The following FRMD3 variants were observed in gnomAD, a reference collection of about 807,000 sequenced individuals.
FRMD3 encodes the protein FERM domain-containing protein 3.
FRMD3 carries 33 observed loss-of-function variants against 70.2 expected under a neutral mutation model. The ratio of observed to expected loss-of-function variants is 0.47; its 90% CI spans 0.36 to 0.63. The LOEUF is 0.63. Among genes scored for constraint, FRMD3 ranks in the 20% least tolerant of loss-of-function variants. The pLI, the probability that FRMD3 is intolerant of heterozygous loss-of-function variation, is 0.00. For missense variants in FRMD3, 632 were observed against 711.4 expected, an observed-to-expected ratio of 0.89 and a Z score of 1.27; for synonymous variants, 279 against 255.9, an observed-to-expected ratio of 1.09 and a Z score of -0.86.
intron 1 of FRMD3, among the ~76,000 whole-genome samples, chr9:83,470,259 C>A (rs1223525777): frequency 6.6e-6 from 1 of 152,160 alleles, no homozygotes; most frequent in African/African-American, 2.4e-5. Flanking sequence ...GACCTCACCC[C>A]ACTGCACTTA....
intron 13 of FRMD3, chr9:83,267,195 C>A (rs1480963458): frequency 6.5e-7 from 1 of 1,549,768 alleles, no homozygotes; most frequent in Non-Finnish European, 8.7e-7. Flanking sequence ...GGCAGCCTTT[C>A]CCTAACAGTC....
chr9:83,410,210 G>A (rs377261578), intron 1 of FRMD3, among the ~76,000 whole-genome samples: 1 of 152,058 alleles, frequency 6.6e-6, no homozygotes, highest in Admixed American at 6.6e-5. Context: ...CGGGAATACC[G>A]CATGATGCTG....
chr9:83,325,290 C>G (rs1403684044), intron 6 of FRMD3, among the ~76,000 whole-genome samples: 1 of 152,152 alleles, frequency 6.6e-6, no homozygotes, highest in African/African-American at 2.4e-5. Flanking sequence ...CAAAATGACA[C>G]TTATACTTGA....
intron 1 of FRMD3, among the ~76,000 whole-genome samples, chr9:83,507,732 A>ATG (rs1158473884): frequency 2.2e-5 from 2 of 92,958 alleles, no homozygotes; most frequent in South Asian, 8.1e-4. Flanking sequence ...ATATATATAT[A>ATG]TATATATCTT....
chr9:83,536,930 T>TAAAAAAAAA lies in FRMD3; in HGVS notation c.147+1146_147+1154dup, dbSNP rs142272516. On this transcript the variant is annotated intron_variant, in intron 1 of 13. Coordinates refer to ENST00000304195, the MANE Select transcript of FRMD3 (RefSeq NM_174938.6). ...ATGGGTGGTGTGCCCTGTATTACAC[T>TAAAAAAAAA]AAAAAAAAAAAAAAAAAAAAAAAGC... Among the ~76,000 whole-genome samples the TAAAAAAAAA allele has an allele frequency of 1.8e-4, 11 of 60,892 alleles. 1 individual carries two copies. The highest frequency in any genetic ancestry group is 4.9e-4 in the African/African-American group (8 of 16,412). The allele number at this position is 60,892 out of a possible 152,430, so 39.9% of individuals were successfully genotyped here. A position where few individuals can be genotyped will look rare whatever the true frequency, so the allele number is the denominator to read the frequency against.
At chr9:83,343,368 A>G in intron 4 of FRMD3, 81 bp from the exon 5 acceptor site, 2 of 937,804 alleles carry the variant, frequency 2.1e-6, no homozygotes, top group South Asian at 1.4e-5. Flanking sequence ...CTTAGCTCCC[A>G]TGGTGACCAG....
Position 83,523,189 on chromosome 9 carries a change from TGGATGGAC to T in FRMD3, c.147+14888_147+14895del, listed in dbSNP as rs1211876769. Among the ~76,000 whole-genome samples, 555 of 145,306 alleles carry T rather than the reference TGGATGGAC, an allele frequency of 3.8e-3. 9 individuals are homozygous for T. Among genetic ancestry groups the T allele is most frequent in the African/African-American group, 0.014 (528 of 37,816 alleles). On this transcript the variant is annotated intron_variant, in intron 1 of 13. Coordinates refer to ENST00000304195, the MANE Select transcript of FRMD3 (RefSeq NM_174938.6). ...ATGGATGGATGGATGGATGGATGGA[TGGATGGAC>T]GGACGGACGGATGGATAGATTTACG...
intron 1 of FRMD3, among the ~76,000 whole-genome samples, chr9:83,418,142 A>G (rs1435456655): frequency 6.6e-6 from 1 of 152,140 alleles, no homozygotes; most frequent in Non-Finnish European, 1.5e-5. Flanking sequence ...CAAATTAGAA[A>G]GAAGGGGACA....
At position 83,245,151 on chromosome 9, in the gene FRMD3, G is replaced by C. The variant is rs1375552551; in HGVS notation, c.*2767C>G. ...AAAATAAGCACAATTATGCATGAGG[G>C]GCATATATGTTGTGTCTATTCAAAG... On this transcript the variant is annotated 3_prime_UTR_variant, in exon 14 of 14. Coordinates refer to ENST00000304195, the MANE Select transcript of FRMD3 (RefSeq NM_174938.6). 1 of 984,740 alleles carries C rather than the reference G, an allele frequency of 1.0e-6. No homozygotes were observed. Among genetic ancestry groups the C allele is most frequent in the African/African-American group, 1.8e-5 (1 of 57,094 alleles). 61.0% of individuals were successfully genotyped at this position (984,740 alleles called of 1,614,324 possible). A position where few individuals can be genotyped will look rare whatever the true frequency, so the allele number is the denominator to read the frequency against.
chr9:83,316,166 T>TTTTTTTTTTTTTTTTTTC (rs1835566750), intron 6 of FRMD3, among the ~76,000 whole-genome samples: 1 of 146,896 alleles, frequency 6.8e-6, no homozygotes, highest in African/African-American at 2.5e-5. Flanking sequence ...TTTTTCTTTT[T>TTTTTTTTTTTTTTTTTTC]TTTTTTTTTT....
At chr9:83,583,056 C>T in the FRMD3 span, among the ~76,000 whole-genome samples, 1 of 152,208 alleles carries the variant, frequency 6.6e-6, no homozygotes, top group Non-Finnish European at 1.5e-5. Context: ...TCTTCACCAA[C>T]CATGACTTAC....
At chr9:83,491,018 C>G (rs560073876) in intron 1 of FRMD3, among the ~76,000 whole-genome samples, 2 of 152,256 alleles carry the variant, frequency 1.3e-5, no homozygotes, top group African/African-American at 4.8e-5. Context: ...ATATTTCACT[C>G]TAGGATAATC....
chr9:83,416,745 G>GTCTCTCTCTC (rs1184226415), intron 1 of FRMD3, among the ~76,000 whole-genome samples: 2,192 of 102,198 alleles, frequency 0.021, 217 homozygotes, highest in East Asian at 0.038. Context: ...ATTTCTCTCT[G>GTCTCTCTCTC]TCTCTCTCTC....
intron 13 of FRMD3, among the ~76,000 whole-genome samples, chr9:83,258,531 A>G (rs997997639): frequency 6.6e-6 from 1 of 152,276 alleles, no homozygotes; most frequent in Non-Finnish European, 1.5e-5. Flanking sequence ...ATGCCTTAAA[A>G]TGAGGATACT....
intron 3 of FRMD3, among the ~76,000 whole-genome samples, chr9:83,351,161 C>A (rs182073475): frequency 1.3e-5 from 2 of 151,992 alleles, no homozygotes; most frequent in African/African-American, 2.4e-5. Context: ...CAGATGTAGA[C>A]GAATCCTTTA....
In FRMD3 at chr9:83,537,459, G is replaced by A. The variant is rs556757423; in HGVS notation, c.147+626C>T. On this transcript the variant is annotated intron_variant, in intron 1 of 13. Coordinates refer to ENST00000304195, the MANE Select transcript of FRMD3 (RefSeq NM_174938.6). The surrounding 1 kb of genome is among the most constrained non-coding windows in gnomAD (Gnocchi z 4.1). ...CCTTTCGAGGTAGCTCCAGTCCGGC[G>A]CAGCGCGCGCTCCATCCCTCAAGGC... Among the ~76,000 whole-genome samples, 70 of 152,328 alleles carry A rather than the reference G, an allele frequency of 4.6e-4. No homozygotes were observed. Among genetic ancestry groups the A allele is most frequent in the African/African-American group, 1.6e-3 (66 of 41,586 alleles).
At position 83,248,265 on chromosome 9, in the gene FRMD3, A is replaced by G; in HGVS notation, c.1447T>C (p.Phe483Leu). Residue 483 changes from phenylalanine (F) to leucine (L), a missense_variant, in exon 14 of 14, where the codon TTT becomes CTT. This residue lies in a region of FRMD3 where 418 missense variants were observed against 442.1 expected (regional missense o/e 0.95). Coordinates refer to ENST00000304195, the MANE Select transcript of FRMD3 (RefSeq NM_174938.6). ...TTTTCATCTGCTTCCAGATCCTCAA[A>G]TGAATCTGTGTCTTCTCTTTCCAAC... ...LELEREDTDS[F>L]EDLEADENAF... 1 of 1,614,188 alleles carries G rather than the reference A, an allele frequency of 6.2e-7. No homozygotes were observed. Among genetic ancestry groups the G allele is most frequent in the South Asian group, 1.1e-5 (1 of 91,086 alleles).
At chr9:83,293,277 T>C (rs887420860) in intron 12 of FRMD3, among the ~76,000 whole-genome samples, 1 of 152,226 alleles carries the variant, frequency 6.6e-6, no homozygotes, top group Non-Finnish European at 1.5e-5. Flanking sequence ...GGATTTCTTC[T>C]GGTCATGGCC....
chr9:83,430,141 C>T (rs1232289714), intron 1 of FRMD3, among the ~76,000 whole-genome samples: 1 of 152,208 alleles, frequency 6.6e-6, no homozygotes, highest in African/African-American at 2.4e-5. Flanking sequence ...TTGGTCTCAA[C>T]ACCTCTAGTT....
Sources: gnomAD v4.1 joint callset for allele counts (sites outside exome capture counted in the v4.1 genomes callset) on GRCh38, gnomAD v4.1.1 for gene constraint, gnomAD v4.1.1 regional missense constraint, Gnocchi (gnomAD v3.1) non-coding constraint, MANE v1.5 for transcripts, NCBI Gene and HGNC (gene_info 2026-07-23, HGNC 2026-07-21) for gene names.